CMTM4: variants seen among roughly 807,000 people sequenced by gnomAD.
CMTM4 encodes CKLF like MARVEL transmembrane domain containing 4, also known as CKLF-like MARVEL transmembrane domain-containing protein 4.
CMTM4 carries 8 observed loss-of-function variants against 19.0 expected under a neutral mutation model. The ratio of observed to expected loss-of-function variants is 0.42; its 90% CI spans 0.25 to 0.76. CMTM4 has a LOEUF of 0.76. Among genes scored for constraint, CMTM4 ranks in the 30% least tolerant of loss-of-function variants. The pLI, the probability that CMTM4 is intolerant of heterozygous loss-of-function variation, is 0.27. For missense variants in CMTM4, 228 were observed against 290.2 expected, an observed-to-expected ratio of 0.79 and a Z score of 1.56; for synonymous variants, 106 against 121.1, an observed-to-expected ratio of 0.88 and a Z score of 0.82.
At position 66,620,583 on chromosome 16, in the gene CMTM4, G is replaced by A. The variant is rs760537343; in HGVS notation, c.*1475C>T. 10 of 985,158 alleles carry A rather than the reference G, an allele frequency of 1.0e-5. No individual in the cohort carries two copies. The highest frequency in any genetic ancestry group is 4.7e-5 in the South Asian group (1 of 21,274). 61.0% of individuals were successfully genotyped at this position (985,158 alleles called of 1,614,324 possible). On this transcript the variant is annotated 3_prime_UTR_variant, in exon 4 of 4. Coordinates refer to ENST00000394106, the MANE Select transcript of CMTM4 (RefSeq NM_181521.3). ...TGACGCTTTCTTGCACAGACCCCCCGCCGCCCCCTCGGAGTTATTTATTAC... is the reference window on the plus strand; with the variant it reads ...TGACGCTTTCTTGCACAGACCCCCCACCGCCCCCTCGGAGTTATTTATTAC...
the CMTM4 span, among the ~76,000 whole-genome samples, chr16:66,607,099 G>A: frequency 6.6e-6 from 1 of 152,206 alleles, no homozygotes; most frequent in Non-Finnish European, 1.5e-5. Flanking sequence ...TCTGTCAAGT[G>A]GGGCTGTGCT....
At chr16:66,633,104 T>TATATATATATAAATATATAA (rs370924302) in intron 2 of CMTM4, among the ~76,000 whole-genome samples, 2 of 24,812 alleles carry the variant, frequency 8.1e-5, no homozygotes, top group African/African-American at 9.9e-5. Flanking sequence ...TATATATAAA[T>TATATATATATAAATATATAA]ATATATATAT....
intron 2 of CMTM4, among the ~76,000 whole-genome samples, chr16:66,629,602 T>C (rs1165140233): frequency 1.3e-5 from 2 of 152,180 alleles, no homozygotes; most frequent in South Asian, 2.1e-4. Context: ...CTTTCAATCA[T>C]ACCCGAGTTT....
the CMTM4 span, chr16:66,609,506 G>A: frequency 8.7e-6 from 14 of 1,607,034 alleles, no homozygotes; most frequent in East Asian, 6.7e-5. The surrounding 1 kb of genome is among the most constrained non-coding windows in gnomAD (Gnocchi z 4.4). Flanking sequence ...CCAAGTACTC[G>A]GATGGGGCTT....
intron 1 of CMTM4, among the ~76,000 whole-genome samples, chr16:66,683,199 A>ATG (rs1850045697): frequency 4.8e-5 from 6 of 126,252 alleles, no homozygotes; most frequent in South Asian, 5.5e-4. Flanking sequence ...ATATACATAT[A>ATG]TATATATATA....
At chr16:66,666,310 A>G (rs1194678825) in intron 1 of CMTM4, among the ~76,000 whole-genome samples, 1 of 150,406 alleles carries the variant, frequency 6.6e-6, no homozygotes, top group East Asian at 2.0e-4. Context: ...AAAATTAGCC[A>G]GGCGTCATGG....
chr16:66,652,057 C>T (rs543465262), intron 1 of CMTM4, among the ~76,000 whole-genome samples: 1 of 151,674 alleles, frequency 6.6e-6, no homozygotes, highest in South Asian at 2.1e-4. Flanking sequence ...AGAGATGGCC[C>T]TCAGGAGCTA....
rs2015554592 is a variant in CMTM4 at position 66,617,860 on chromosome 16, C to T, written c.*4198G>A. On this transcript the variant is annotated 3_prime_UTR_variant, in exon 4 of 4. Coordinates refer to ENST00000394106, the MANE Select transcript of CMTM4 (RefSeq NM_181521.3). ...GACGGGAAAGACCTGTCCCCAGCAT[C>T]CCACTCTTGCCCTCAAGCTGACTGT... is the stretch of plus-strand genomic sequence containing the variant. The T allele has an allele frequency of 2.0e-6, 2 of 989,166 alleles. No individual in the cohort carries two copies. The highest frequency in any genetic ancestry group is 9.2e-5 in the South Asian group (2 of 21,658). The allele number at this position is 989,166 out of a possible 1,614,324, so 61.3% of individuals were successfully genotyped here.
At chr16:66,680,112 C>T (rs370925439) in intron 1 of CMTM4, among the ~76,000 whole-genome samples, 472 of 152,336 alleles carry the variant, frequency 3.1e-3, no homozygotes, top group South Asian at 0.022. Context: ...CACTTCAGTG[C>T]TACCTTTAGT....
chr16:66,692,635 G>A (rs1045113254), intron 1 of CMTM4, among the ~76,000 whole-genome samples: 3 of 152,192 alleles, frequency 2.0e-5, no homozygotes, highest in Non-Finnish European at 4.4e-5. Context: ...GCCCAACGCA[G>A]GGGCTCACGC....
Position 66,618,342 on chromosome 16 carries a change from CTG to C in CMTM4, c.*3714_*3715del, listed in dbSNP as rs2015564535. 1 of 985,364 alleles carries C rather than the reference CTG, an allele frequency of 1.0e-6. No individual in the cohort carries two copies. The allele number at this position is 985,364 out of a possible 1,614,324, so 61.0% of individuals were successfully genotyped here. ...AGGCAGTGGCACAAAGACTTCATGA[CTG>C]TTTTGTTTTGAACACAGATGAGACA... On this transcript the variant is annotated 3_prime_UTR_variant, in exon 4 of 4. Transcript: ENST00000394106.
At chr16:66,692,999 G>A (rs986663828) in intron 1 of CMTM4, among the ~76,000 whole-genome samples, 2 of 151,866 alleles carry the variant, frequency 1.3e-5, no homozygotes, top group African/African-American at 4.8e-5. Context: ...TGAGGCGGGT[G>A]GATCACCTAA....
intron 2 of CMTM4, among the ~76,000 whole-genome samples, chr16:66,629,620 C>T (rs1177120775): frequency 1.3e-5 from 2 of 152,094 alleles, no homozygotes; most frequent in Non-Finnish European, 2.9e-5. Flanking sequence ...TTTATGCTAA[C>T]GAAGTGACTT....
the CMTM4 span, among the ~76,000 whole-genome samples, chr16:66,602,176 T>G: frequency 1.1e-3 from 160 of 152,278 alleles, no homozygotes; most frequent in African/African-American, 3.3e-3. Flanking sequence ...GCGGGAAGAT[T>G]GTTGGAGGCC....
intron 1 of CMTM4, among the ~76,000 whole-genome samples, chr16:66,666,825 A>G (rs1174634771): frequency 1.3e-5 from 2 of 152,298 alleles, no homozygotes; most frequent in Non-Finnish European, 1.5e-5. Flanking sequence ...GAAACAGAAA[A>G]CCAAATACCA....
At chr16:66,678,736 G>A (rs2016852856) in intron 1 of CMTM4, among the ~76,000 whole-genome samples, 1 of 152,104 alleles carries the variant, frequency 6.6e-6, no homozygotes, top group Non-Finnish European at 1.5e-5. Context: ...CCTTTGGCTG[G>A]TTGTAATGTC....
Position 66,622,323 on chromosome 16 carries a change from G to A in CMTM4, c.463-101C>T, listed in dbSNP as rs1596901378. On this transcript the variant is annotated intron_variant, in intron 3 of 3. Transcript: ENST00000394106. The surrounding 1 kb of genome is among the most constrained non-coding windows in gnomAD (Gnocchi z 4.0). ...CATGCAGCCCCTTCCTGCTCTGCCA[G>A]CTGATCATTACAACCCTGTGCCTTC... The A allele has an allele frequency of 1.5e-6, 2 of 1,308,028 alleles. No individual in the cohort carries two copies. The highest frequency in any genetic ancestry group is 2.1e-6 in the Non-Finnish European group (2 of 943,630). The allele number at this position is 1,308,028 out of a possible 1,614,324, so 81.0% of individuals were successfully genotyped here. A position where few individuals can be genotyped will look rare whatever the true frequency, so the allele number is the denominator to read the frequency against.
intron 1 of CMTM4, among the ~76,000 whole-genome samples, chr16:66,661,193 A>G (rs2016493446): frequency 6.6e-6 from 1 of 152,110 alleles, no homozygotes; most frequent in Non-Finnish European, 1.5e-5. Context: ...ACATCTGTGA[A>G]TAAGAGACTT....
chr16:66,623,405 A>G lies in CMTM4; in HGVS notation c.461T>C (p.Val154Ala). ...NHRAGAEIAA[V>A]IFGFLATAAY... The stretch of plus-strand genomic sequence containing the variant: ...CTTTAACCATTTGAGTTTGCTTACC[A>G]CGGCAGCAATTTCTGCTCCGGCTCT... Residue 154 changes from valine to alanine, a missense_variant and splice_region_variant, in exon 3 of 4, where the codon GTG becomes GCG. Val to Ala is a moderately conservative substitution (Grantham distance 64, BLOSUM62 0). Around this residue, in one of 3 missense-constraint regions of CMTM4, gnomAD observed 200 missense variants for 226.6 expected, o/e 0.88. Coordinates refer to ENST00000394106, the MANE Select transcript of CMTM4 (RefSeq NM_181521.3). 6.2e-7 allele frequency: 1 copy of G among 1,611,898 alleles called. No individual in the cohort carries two copies. The highest frequency in any genetic ancestry group is 8.5e-7 in the Non-Finnish European group (1 of 1,179,050).
Sources: gnomAD v4.1 joint callset for allele counts (sites outside exome capture counted in the v4.1 genomes callset) on GRCh38, gnomAD v4.1.1 for gene constraint, gnomAD v4.1.1 regional missense constraint, Gnocchi (gnomAD v3.1) non-coding constraint, MANE v1.5 for transcripts, NCBI Gene and HGNC (gene_info 2026-07-23, HGNC 2026-07-21) for gene names.